The following CAST variants were observed in gnomAD, a reference collection of about 807,000 sequenced individuals.
CAST encodes the protein calpastatin.
CAST carries 76 observed loss-of-function variants against 119.6 expected under a neutral mutation model. That is an observed-to-expected ratio of 0.64 (90% CI 0.53 to 0.77). The LOEUF is 0.77. CAST is among the 30% of genes least tolerant of loss of function. The pLI is 0.00. For missense variants in CAST, 953 were observed against 946.5 expected (o/e 1.01, Z -0.09); for synonymous variants, 319 against 331.6 (o/e 0.96, Z 0.41).
Position 96,729,659 on chromosome 5 carries a change from T to A in CAST, c.483T>A (p.Ala161=). 1 of 1,605,570 alleles carries A rather than the reference T, an allele frequency of 6.2e-7. No homozygotes were observed. The highest frequency in any genetic ancestry group is 1.7e-4 in the Middle Eastern group (1 of 6,042). The change falls in exon 8 of 32, where the codon GCT becomes GCA. Residue 161 remains alanine, a synonymous_variant. Coordinates refer to ENST00000675179, the MANE Select transcript of CAST (RefSeq NM_001750.7). ...KQASDTGSND[A]HNKKAVSRSA... ...CATCAGATACAGGAAGTAACGATGC[T>A]CACAATAAAAAAGCAGTTTCCAGAT... is the stretch of plus-strand genomic sequence containing the variant.
chr5:96,662,506 C>A lies in CAST; in HGVS notation c.75+9C>A. 7.2e-7 allele frequency: 1 copy of A among 1,379,722 alleles called. No individual in the cohort carries two copies. The highest frequency in any genetic ancestry group is 9.3e-7 in the Non-Finnish European group (1 of 1,073,914). The allele number at this position is 1,379,722 out of a possible 1,614,324, so 85.5% of individuals were successfully genotyped here. Reference sequence around the variant, plus strand: ...CCCGCCGCACCCATGAGGTGAGTGGCGCTCCTGTCGGCGTCGCGGGGCTGG... The same window carrying A: ...CCCGCCGCACCCATGAGGTGAGTGGAGCTCCTGTCGGCGTCGCGGGGCTGG... On this transcript the variant is annotated intron_variant, in intron 1 of 31. Coordinates refer to ENST00000675179, the MANE Select transcript of CAST (RefSeq NM_001750.7).
At chr5:96,373,746 T>G in the CAST span, among the ~76,000 whole-genome samples, 1 of 151,710 alleles carries the variant, frequency 6.6e-6, no homozygotes, top group Admixed American at 6.6e-5. Context: ...TTTTTTCTTC[T>G]CTTTTTTTTT....
chr5:96,639,757 GT>G (rs1206371596), intron 1 of CAST, among the ~76,000 whole-genome samples: 1 of 152,230 alleles, frequency 6.6e-6, no homozygotes, highest in Non-Finnish European at 1.5e-5. Context: ...TGGTAACTCA[GT>G]GGGTAAAACT....
chr5:96,558,502 G>A (rs543449554), intron 1 of CAST, among the ~76,000 whole-genome samples: 24 of 152,040 alleles, frequency 1.6e-4, no homozygotes, highest in South Asian at 4.2e-4. Context: ...TCAAATAGAC[G>A]CACTAAAAAA....
chr5:96,190,778 C>T, the CAST span, among the ~76,000 whole-genome samples: 2 of 151,966 alleles, frequency 1.3e-5, no homozygotes, highest in South Asian at 4.2e-4. Flanking sequence ...AGGTTTATTA[C>T]TTAAGTATAT....
the CAST span, among the ~76,000 whole-genome samples, chr5:96,222,878 A>T: frequency 6.6e-6 from 1 of 152,152 alleles, no homozygotes; most frequent in East Asian, 1.9e-4. Flanking sequence ...CCATCAGTGG[A>T]CTAATAAAGA....
the CAST span, among the ~76,000 whole-genome samples, chr5:96,452,976 A>AAAAAAAAAAG: frequency 2.8e-4 from 40 of 142,412 alleles, no homozygotes; most frequent in African/African-American, 1.1e-3. Context: ...AAAAAAAAAA[A>AAAAAAAAAAG]CAGAAGAAAG....
chr5:96,661,257 T>TAAA (rs59810319), upstream of CAST, among the ~76,000 whole-genome samples: 27 of 67,954 alleles, frequency 4.0e-4, no homozygotes, highest in Admixed American at 1.0e-3. Context: ...TCTCTACCAT[T>TAAA]AAAAAAAAAA....
intron 1 of CAST, among the ~76,000 whole-genome samples, chr5:96,622,894 C>T (rs7725913): frequency 8.3e-5 from 6 of 72,722 alleles, no homozygotes; most frequent in South Asian, 5.5e-4. Flanking sequence ...GACGGAGTCT[C>T]GCTCTGTCGC....
chr5:96,021,862 G>A, the CAST span, among the ~76,000 whole-genome samples: 101 of 152,174 alleles, frequency 6.6e-4, no homozygotes, highest in Non-Finnish European at 1.1e-3. Context: ...TTAAGTGATC[G>A]GATTACATAT....
chr5:96,561,755 A>G (rs1746366068), intron 1 of CAST, among the ~76,000 whole-genome samples: 1 of 148,246 alleles, frequency 6.7e-6, no homozygotes, highest in African/African-American at 2.5e-5. Context: ...ATATATGTCC[A>G]TATATATGTA....
chr5:96,578,958 A>G (rs1437958289), intron 1 of CAST, among the ~76,000 whole-genome samples: 2 of 152,136 alleles, frequency 1.3e-5, no homozygotes, highest in South Asian at 2.1e-4. Flanking sequence ...TGCTTGGCTT[A>G]CCTGTTGCTA....
chr5:96,672,979 TG>T (rs1334947351), intron 1 of CAST, among the ~76,000 whole-genome samples: 2 of 152,176 alleles, frequency 1.3e-5, no homozygotes, highest in Admixed American at 1.3e-4. Flanking sequence ...GATATGTATT[TG>T]CCACATGAGC....
chr5:95,982,656 T>A, the CAST span, among the ~76,000 whole-genome samples: 1 of 152,218 alleles, frequency 6.6e-6, no homozygotes. Flanking sequence ...ATTAATAGTA[T>A]CATTCACATT....
At chr5:96,616,295 C>G (rs1163142084) in intron 1 of CAST, among the ~76,000 whole-genome samples, 1 of 152,200 alleles carries the variant, frequency 6.6e-6, no homozygotes, top group African/African-American at 2.4e-5. Context: ...AGATGTTCAT[C>G]TAAGCATGGA....
At chr5:96,355,184 C>A in the CAST span, among the ~76,000 whole-genome samples, 1 of 151,806 alleles carries the variant, frequency 6.6e-6, no homozygotes, top group African/African-American at 2.4e-5. Context: ...TCCCCTAGCC[C>A]CCCACCCCCT....
At chr5:96,293,261 G>A in the CAST span, among the ~76,000 whole-genome samples, 1 of 152,132 alleles carries the variant, frequency 6.6e-6, no homozygotes, top group Admixed American at 6.6e-5. Context: ...GAAGCAGAAA[G>A]GCTGGTCTCT....
chr5:96,581,664 G>A (rs900019212), intron 1 of CAST, among the ~76,000 whole-genome samples: 2 of 152,162 alleles, frequency 1.3e-5, no homozygotes, highest in African/African-American at 4.8e-5. Context: ...GCCGAGACGG[G>A]CGGATCACAA....
chr5:96,437,764 C>T, the CAST span, among the ~76,000 whole-genome samples: 6 of 152,242 alleles, frequency 3.9e-5, no homozygotes, highest in South Asian at 2.1e-4. Context: ...AAGTTTGAGA[C>T]GCACTGATCT....
Sources: allele counts gnomAD v4.1 joint callset (sites outside exome capture counted in the v4.1 genomes callset), GRCh38; gene constraint gnomAD v4.1.1; transcripts MANE v1.5; gene names NCBI Gene and HGNC (gene_info 2026-07-23, HGNC 2026-07-21).